Variants in CDH13 observed in about 807,000 individuals in gnomAD.
CDH13 encodes cadherin-13.
Under a neutral mutation model 63.8 loss-of-function variants are expected in CDH13, and 24 were observed. The observed-to-expected ratio is 0.38, with a 90% confidence interval of 0.27 to 0.53. The LOEUF (loss-of-function observed/expected upper bound fraction) is 0.53, where lower values mean the gene tolerates loss of function less well. Among genes scored for constraint, CDH13 ranks in the 20% least tolerant of loss-of-function variants. The pLI is 0.85. For missense variants in CDH13, 1,049 were observed against 903.1 expected, an observed-to-expected ratio of 1.16 and a Z score of -2.07; for synonymous variants, 503 against 355.3, an observed-to-expected ratio of 1.42 and a Z score of -4.67.
chr16:83,672,981 T>G (rs1442961560), intron 9 of CDH13, among the ~76,000 whole-genome samples: 1 of 152,238 alleles, frequency 6.6e-6, no homozygotes, highest in Admixed American at 6.5e-5. Flanking sequence ...TGCCAGGGTT[T>G]CCTAATAACT....
At position 83,456,465 on chromosome 16, in the gene CDH13, A is replaced by G. The variant is rs540601482; in HGVS notation, c.782-30012A>G. Among the ~76,000 whole-genome samples, 208 of 152,318 alleles carry G rather than the reference A, an allele frequency of 1.4e-3. 7 individuals are homozygous for G. In the South Asian group the frequency reaches 0.04, roughly 29 times the overall value. On this transcript the variant is annotated intron_variant, in intron 6 of 13. Coordinates refer to ENST00000567109, the MANE Select transcript of CDH13 (RefSeq NM_001257.5). ...AGTACAACGTGAAAGACGTCATGAC[A>G]GTAGAATGCACGGGGAACCCTGGGT...
chr16:83,606,182 C>T (rs1225538692), intron 8 of CDH13, among the ~76,000 whole-genome samples: 1 of 152,126 alleles, frequency 6.6e-6, no homozygotes, highest in Admixed American at 6.5e-5. Flanking sequence ...TTGAGGATGT[C>T]CAGAAAGCTC....
chr16:82,869,646 A>G (rs555935481), intron 2 of CDH13, among the ~76,000 whole-genome samples: 1 of 152,150 alleles, frequency 6.6e-6, no homozygotes, highest in Non-Finnish European at 1.5e-5. Flanking sequence ...GCATAGACCA[A>G]TGGGACAGAA....
chr16:82,894,523 C>T (rs11862361), intron 2 of CDH13, among the ~76,000 whole-genome samples: 116,444 of 151,978 alleles, frequency 0.77, 44,838 homozygotes, highest in East Asian at 0.87. Flanking sequence ...GCACCTGTAA[C>T]CCCAGCTACT....
chr16:82,948,320 C>A (rs1356141571), intron 2 of CDH13, among the ~76,000 whole-genome samples: 1 of 152,124 alleles, frequency 6.6e-6, no homozygotes, highest in African/African-American at 2.4e-5. Context: ...AAATTGTCTG[C>A]AAATACATTA....
chr16:82,755,913 A>T (rs1159559526), intron 1 of CDH13, among the ~76,000 whole-genome samples: 2 of 152,190 alleles, frequency 1.3e-5, no homozygotes, highest in South Asian at 2.1e-4. Context: ...GATATAAATT[A>T]TATTTGGAGC....
chr16:83,227,716 A>G (rs1281041337), intron 5 of CDH13, among the ~76,000 whole-genome samples: 1 of 152,096 alleles, frequency 6.6e-6, no homozygotes, highest in Non-Finnish European at 1.5e-5. Flanking sequence ...CTTCCAGTCT[A>G]GAGAAGTGGA....
At chr16:83,283,609 A>C (rs943813519) in intron 5 of CDH13, among the ~76,000 whole-genome samples, 12 of 152,134 alleles carry the variant, frequency 7.9e-5, no homozygotes, top group Non-Finnish European at 4.4e-5. Flanking sequence ...AAATTTCCAC[A>C]GGAGATTGTA....
At chr16:83,757,310 G>A (rs1913590507) in intron 11 of CDH13, among the ~76,000 whole-genome samples, 2 of 152,186 alleles carry the variant, frequency 1.3e-5, no homozygotes, top group Non-Finnish European at 2.9e-5. Context: ...GGGCACGGTG[G>A]CTCACTCCTG....
intron 5 of CDH13, among the ~76,000 whole-genome samples, chr16:83,220,176 A>G (rs1597542084): frequency 6.6e-6 from 1 of 152,174 alleles, no homozygotes; most frequent in African/African-American, 2.4e-5. Flanking sequence ...TCCTGTTTTC[A>G]TCATACCCGC....
chr16:82,692,368 T>C (rs188691434), intron 1 of CDH13, among the ~76,000 whole-genome samples: 86 of 152,230 alleles, frequency 5.6e-4, no homozygotes, highest in Admixed American at 2.0e-4. Context: ...CTCACAGTTC[T>C]GTATGGTAGC....
At chr16:82,952,072 C>A (rs547428737) in intron 2 of CDH13, among the ~76,000 whole-genome samples, 1 of 152,206 alleles carries the variant, frequency 6.6e-6, no homozygotes, top group Non-Finnish European at 1.5e-5. Flanking sequence ...CACATTTTCT[C>A]GAAAGGAGTT....
rs149261540 is a variant in CDH13, at chr16:82,690,346, T to C, written c.45+63209T>C. 9.3e-3 allele frequency among the ~76,000 whole-genome samples: 1,423 copies of C among 152,210 alleles called. 16 individuals carry two copies. The highest frequency in any genetic ancestry group is 0.033 in the African/African-American group (1,367 of 41,504). On this transcript the variant is annotated intron_variant, in intron 1 of 13. Coordinates refer to ENST00000567109, the MANE Select transcript of CDH13 (RefSeq NM_001257.5). The stretch of plus-strand genomic sequence containing the variant: ...AGCATTGCTATTTTTAAATATTTAG[T>C]TGTATTTTAATATTTAGCTATAAAT...
At chr16:83,000,574 C>CTTTTTTTTTTTTTTT (rs561787532) in intron 2 of CDH13, among the ~76,000 whole-genome samples, 1 of 127,740 alleles carries the variant, frequency 7.8e-6, no homozygotes, top group Admixed American at 8.1e-5. Flanking sequence ...TTTCTTTTCT[C>CTTTTTTTTTTTTTTT]TTTTTTTTTT....
Position 83,051,801 on chromosome 16 carries a change from A to T in CDH13, c.366+19583A>T, listed in dbSNP as rs116429591. Among the ~76,000 whole-genome samples, 1,476 of 152,322 alleles carry T rather than the reference A, an allele frequency of 9.7e-3. 31 individuals are homozygous for T. The highest frequency in any genetic ancestry group is 0.034 in the African/African-American group (1,419 of 41,562). On this transcript the variant is annotated intron_variant, in intron 3 of 13. Transcript: ENST00000567109. ...ATTATTTGTTGTCTTATGAAGGATGAAGTGTTCAAATCCCTGTAGGAAACA... is the reference window on the plus strand; with the variant it reads ...ATTATTTGTTGTCTTATGAAGGATGTAGTGTTCAAATCCCTGTAGGAAACA...
intron 11 of CDH13, among the ~76,000 whole-genome samples, chr16:83,751,475 T>A (rs1307169583): frequency 6.6e-6 from 1 of 151,464 alleles, no homozygotes; most frequent in Admixed American, 6.6e-5. Context: ...GAAAGATACA[T>A]CCTATAGCAG....
intron 2 of CDH13, among the ~76,000 whole-genome samples, chr16:82,966,980 G>T (rs1907935633): frequency 6.6e-6 from 1 of 152,122 alleles, no homozygotes; most frequent in African/African-American, 2.4e-5. Flanking sequence ...TTTGGCCCAG[G>T]ATCTAATCCA....
chr16:83,456,885 C>A (rs1421942197), intron 6 of CDH13, among the ~76,000 whole-genome samples: 8 of 152,170 alleles, frequency 5.3e-5, no homozygotes, highest in Non-Finnish European at 2.9e-5. Context: ...TCACTTGAAC[C>A]TGGGAGGCGG....
chr16:82,848,668 GC>G (rs1377701495), intron 1 of CDH13, among the ~76,000 whole-genome samples: 2 of 151,970 alleles, frequency 1.3e-5, no homozygotes, highest in Non-Finnish European at 2.9e-5. Flanking sequence ...CCACCAACTG[GC>G]CCTTTACTCA....
Sources: allele counts gnomAD v4.1 joint callset (sites outside exome capture counted in the v4.1 genomes callset), GRCh38; gene constraint gnomAD v4.1.1; transcripts MANE v1.5; gene names NCBI Gene and HGNC (gene_info 2026-07-23, HGNC 2026-07-21).